Variants in BRD4 observed in about 807,000 individuals in gnomAD.
BRD4 encodes bromodomain-containing protein 4.
In BRD4, 16 loss-of-function variants were observed where a neutral mutation model predicts 142.1. That is an observed-to-expected ratio of 0.11 (90% CI 0.08 to 0.17). The LOEUF (loss-of-function observed/expected upper bound fraction) is 0.17, where lower values mean the gene tolerates loss of function less well. BRD4 is among the 10% of genes least tolerant of loss of function. BRD4 has a pLI of 1.00. For missense variants in BRD4, 1,424 were observed against 1,810.9 expected, an observed-to-expected ratio of 0.79 and a Z score of 3.88; for synonymous variants, 833 against 707.5, an observed-to-expected ratio of 1.18 and a Z score of -2.82.
At chr19:15,293,595 G>A (rs1015061155) in intron 1 of BRD4, among the ~76,000 whole-genome samples, 1 of 152,188 alleles carries the variant, frequency 6.6e-6, no homozygotes, top group Admixed American at 6.5e-5. Flanking sequence ...ATAGTAAGGT[G>A]TCCCCAAGCT....
Position 15,239,938 on chromosome 19 carries a change from G to C in BRD4, c.3254C>G (p.Pro1085Arg). ...TTTCTTAGGCTGGACGTTTTGCTGG[G>C]GTGGAGACTGGTGGGTCAGGCTCTG... is the stretch of plus-strand genomic sequence containing the variant. ...QFQSLTHQSP[P>R]QQNVQPKKQE... is the part of the protein sequence containing the mutation. Residue 1085 changes from proline to arginine, a missense_variant, in exon 15 of 20, where the codon CCC becomes CGC. Physicochemically the swap from Pro to Arg is moderately radical, Grantham distance 103 (BLOSUM62 -2). Transcript: ENST00000679869. The surrounding 1 kb of genome is among the most constrained non-coding windows in gnomAD (Gnocchi z 7.4). 6.2e-7 allele frequency: 1 copy of C among 1,614,126 alleles called. No homozygotes were observed.
In BRD4 at chr19:15,244,288, G is replaced by T. The variant is rs1254368006; in HGVS notation, c.2524C>A (p.Pro842Thr). 1 of 1,593,304 alleles carries T rather than the reference G, an allele frequency of 6.3e-7. No individual in the cohort carries two copies. Among genetic ancestry groups the T allele is most frequent in the Admixed American group, 1.8e-5 (1 of 56,416 alleles). Residue 842 changes from proline to threonine, a missense_variant, in exon 13 of 20, where the codon CCG (proline) becomes ACG (threonine). By Grantham distance (38) the Pro-to-Thr change is conservative. This residue lies in a region of BRD4 where 598 missense variants were observed against 647.8 expected (regional missense o/e 0.92). Coordinates refer to ENST00000679869, the MANE Select transcript of BRD4 (RefSeq NM_001379291.1). ...QPELPPHLPQ[P>T]PEHSTPPHLN... ...TGGGGTGGAGTGCTGTGCTCAGGCG[G>T]CTGGGGCAGGTGAGGGGGCAGCTCA...
chr19:15,291,478 A>G (rs2047781410), intron 1 of BRD4, among the ~76,000 whole-genome samples: 1 of 152,180 alleles, frequency 6.6e-6, no homozygotes, highest in South Asian at 2.1e-4. Flanking sequence ...GGCAGATGGG[A>G]TGGCACTTTA....
At chr19:15,278,533 C>T (rs1244975105) in intron 1 of BRD4, among the ~76,000 whole-genome samples, 2 of 120,782 alleles carry the variant, frequency 1.7e-5, no homozygotes, top group African/African-American at 3.4e-5. Flanking sequence ...AGACTCTGCC[C>T]AACCCCCGCC....
intron 11 of BRD4, among the ~76,000 whole-genome samples, chr19:15,251,351 T>C (rs890185045): frequency 6.8e-6 from 1 of 146,034 alleles, no homozygotes; most frequent in Non-Finnish European, 1.5e-5. Context: ...CTCAGGGCCG[T>C]TGTCAGCGGA....
At chr19:15,296,924 G>GC (rs34311339) in intron 1 of BRD4, among the ~76,000 whole-genome samples, 25,472 of 151,688 alleles carry the variant, frequency 0.17, 2,205 homozygotes, top group Middle Eastern at 0.2. Context: ...GACGGCAGAA[G>GC]CCCCCCCCAC....
chr19:15,252,058 T>C (rs944091994), intron 11 of BRD4, among the ~76,000 whole-genome samples: 2 of 151,996 alleles, frequency 1.3e-5, no homozygotes, highest in Non-Finnish European at 2.9e-5. Flanking sequence ...ATCTTTCCAC[T>C]TTTTTTTAAA....
intron 1 of BRD4, among the ~76,000 whole-genome samples, chr19:15,298,930 T>C (rs2047846146): frequency 1.3e-5 from 2 of 152,304 alleles, no homozygotes; most frequent in Non-Finnish European, 2.9e-5. Context: ...GGGTAACTGC[T>C]GGCACATCGT....
At chr19:15,286,590 T>C (rs530835622) in intron 1 of BRD4, among the ~76,000 whole-genome samples, 123 of 152,326 alleles carry the variant, frequency 8.1e-4, no homozygotes, top group African/African-American at 2.8e-3. Flanking sequence ...TGTAACATTT[T>C]TTTCCTTACT....
chr19:15,288,057 T>A (rs531532210), intron 1 of BRD4, among the ~76,000 whole-genome samples: 1 of 152,192 alleles, frequency 6.6e-6, no homozygotes, highest in South Asian at 2.1e-4. Flanking sequence ...TGTGAGCCAC[T>A]GTACCTGGCC....
intron 11 of BRD4, among the ~76,000 whole-genome samples, chr19:15,249,955 A>G (rs971634847): frequency 6.6e-6 from 1 of 152,188 alleles, no homozygotes; most frequent in Non-Finnish European, 1.5e-5. Context: ...GAAACAGGCT[A>G]AGGAATAAAG....
At position 15,239,537 on chromosome 19, in the gene BRD4, GCCGGTGGGCCCTGGCCCACCTCACC is replaced by G; in HGVS notation, c.3446-40_3446-16del. 1 of 1,604,774 alleles carries G rather than the reference GCCGGTGGGCCCTGGCCCACCTCACC, an allele frequency of 6.2e-7. No homozygotes were observed. The highest frequency in any genetic ancestry group is 8.5e-7 in the Non-Finnish European group (1 of 1,176,498). ...CATTTCCGGCCCTGGAACATAAACA[GCCGGTGGGCCCTGGCCCACCTCACC>G]CCAGTGGGGCATGGTCCACCAGCCC... On this transcript the variant is annotated splice_polypyrimidine_tract_variant and intron_variant, in intron 16 of 19. Coordinates refer to ENST00000679869, the MANE Select transcript of BRD4 (RefSeq NM_001379291.1). This position sits in a 1 kb window ranked among gnomAD's most constrained non-coding sequence, Gnocchi z 7.4.
intron 1 of BRD4, among the ~76,000 whole-genome samples, chr19:15,311,563 G>T (rs998683121): frequency 6.6e-6 from 1 of 152,010 alleles, no homozygotes; most frequent in Non-Finnish European, 1.5e-5. Context: ...GGCAGAGGTG[G>T]GTGGATCACC....
intron 1 of BRD4, among the ~76,000 whole-genome samples, chr19:15,281,957 G>A (rs1473584754): frequency 4.1e-4 from 63 of 152,338 alleles, no homozygotes. Flanking sequence ...GGCAGAGGTT[G>A]CAGTGAGCCG....
At chr19:15,292,605 C>T (rs191589363) in intron 1 of BRD4, among the ~76,000 whole-genome samples, 29 of 151,672 alleles carry the variant, frequency 1.9e-4, no homozygotes, top group African/African-American at 3.6e-4. Context: ...GGTGAAACCC[C>T]GTCTGTACTA....
intron 1 of BRD4, among the ~76,000 whole-genome samples, chr19:15,302,388 G>A (rs999334701): frequency 6.6e-6 from 1 of 152,148 alleles, no homozygotes; most frequent in African/African-American, 2.4e-5. Context: ...CTGAGTAACA[G>A]ATGTTCTCAG....
At chr19:15,288,743 G>GT (rs2047759183) in intron 1 of BRD4, among the ~76,000 whole-genome samples, 1 of 152,256 alleles carries the variant, frequency 6.6e-6, no homozygotes, top group Non-Finnish European at 1.5e-5. Context: ...GCCGTGGCGG[G>GT]TGCCTGCCCC....
At chr19:15,299,950 G>C (rs2047853885) in intron 1 of BRD4, among the ~76,000 whole-genome samples, 1 of 152,156 alleles carries the variant, frequency 6.6e-6, no homozygotes, top group Non-Finnish European at 1.5e-5. Context: ...AGAATCCCTT[G>C]GAGTTTGCAC....
chr19:15,316,902 C>G (rs928183856), intron 1 of BRD4, among the ~76,000 whole-genome samples: 1 of 152,202 alleles, frequency 6.6e-6, no homozygotes, highest in Non-Finnish European at 1.5e-5. Context: ...ATTGAAGAAC[C>G]AGACTCAATG....
Sources: allele counts gnomAD v4.1 joint callset (sites outside exome capture counted in the v4.1 genomes callset), GRCh38; gene constraint gnomAD v4.1.1; regional missense constraint gnomAD v4.1.1; non-coding constraint Gnocchi (gnomAD v3.1); transcripts MANE v1.5; gene names NCBI Gene and HGNC (gene_info 2026-07-23, HGNC 2026-07-21).